The following ADAM22 variants were observed in gnomAD, a reference collection of about 807,000 sequenced individuals.
ADAM22 encodes the protein ADAM metallopeptidase domain 22, also known as disintegrin and metalloproteinase domain-containing protein 22.
A neutral mutation model predicts 144.6 loss-of-function variants in ADAM22; 65 were observed. The observed-to-expected ratio is 0.45, with a 90% confidence interval of 0.37 to 0.55. The LOEUF is 0.55. Ranked by LOEUF, ADAM22 falls within the 20% of genes least tolerant of loss-of-function variation. The pLI, the probability that ADAM22 is intolerant of heterozygous loss-of-function variation, is 0.00. For missense variants in ADAM22, 974 were observed against 1,184.9 expected (o/e 0.82, Z 2.61); for synonymous variants, 391 against 412.6 (o/e 0.95, Z 0.63).
rs753304682 is a variant in ADAM22 at position 87,935,236 on chromosome 7, GA to G, written c.246+51del. The G allele has an allele frequency of 1.3e-5, 19 of 1,500,990 alleles. No individual in the cohort carries two copies. The African/African-American group carries it at 2.6e-4, about 21-fold the overall frequency. 93.0% of individuals were successfully genotyped at this position (1,500,990 alleles called of 1,614,324 possible). ...GTCCTCCGCGCCTCCCGGCCCACCC[GA>G]GACCCCACGATTGCGCTCGGTTGCC... is the stretch of plus-strand genomic sequence containing the variant. On this transcript the variant is annotated intron_variant, in intron 2 of 31. Coordinates refer to ENST00000413139, the MANE Select transcript of ADAM22 (RefSeq NM_001324418.2).
chr7:88,021,926 G>T (rs755540097), intron 3 of ADAM22, among the ~76,000 whole-genome samples: 1 of 151,726 alleles, frequency 6.6e-6, no homozygotes, highest in African/African-American at 2.4e-5. Flanking sequence ...AGGCTGGGGT[G>T]CAGTGGTATG....
chr7:88,116,506 C>T (rs1827799456), intron 6 of ADAM22, among the ~76,000 whole-genome samples: 1 of 152,112 alleles, frequency 6.6e-6, no homozygotes, highest in African/African-American at 2.4e-5. Context: ...CATTTGTTTT[C>T]CATTACTGTA....
chr7:88,064,375 C>G (rs187480522), intron 3 of ADAM22, among the ~76,000 whole-genome samples: 1 of 152,080 alleles, frequency 6.6e-6, no homozygotes, highest in South Asian at 2.1e-4. Context: ...TACTACTAAC[C>G]GCATACCCTT....
chr7:88,172,079 A>AT (rs1844467254), intron 26 of ADAM22, among the ~76,000 whole-genome samples: 1 of 151,804 alleles, frequency 6.6e-6, no homozygotes, highest in Non-Finnish European at 1.5e-5. Flanking sequence ...TGCATAAGGA[A>AT]TTTTTTGTAT....
chr7:87,947,972 G>C lies in ADAM22; in HGVS notation c.246+12786G>C, dbSNP rs531315117. Among the ~76,000 whole-genome samples the C allele has an allele frequency of 3.9e-5, 6 of 152,208 alleles. No homozygotes were observed. The South Asian group carries it at 1.2e-3, about 32-fold the overall frequency. ...GATGCCATGACTTATAGAGGGCCCT[G>C]TTTCTTCATTAATGCTCCCATACCC... is the stretch of plus-strand genomic sequence containing the variant. On this transcript the variant is annotated intron_variant, in intron 2 of 31. Transcript: ENST00000413139.
intron 28 of ADAM22, among the ~76,000 whole-genome samples, 158 bp downstream of exon 28, chr7:88,181,763 G>A (rs1847085766): frequency 6.6e-6 from 1 of 152,092 alleles, no homozygotes; most frequent in Admixed American, 6.6e-5. Flanking sequence ...ATCTGGATGG[G>A]AAATGATGGG....
At chr7:88,000,242 GTC>G (rs1387344428) in intron 3 of ADAM22, among the ~76,000 whole-genome samples, 1 of 151,866 alleles carries the variant, frequency 6.6e-6, no homozygotes, top group African/African-American at 2.4e-5. Flanking sequence ...CACTGTTTTG[GTC>G]TCTGTTTTCT....
intron 31 of ADAM22, among the ~76,000 whole-genome samples, chr7:88,195,175 CTG>C (rs1318752226): frequency 6.6e-6 from 1 of 152,194 alleles, no homozygotes; most frequent in Non-Finnish European, 1.5e-5. Flanking sequence ...ACCTAAGTCA[CTG>C]TGTTCATAGG....
intron 2 of ADAM22, among the ~76,000 whole-genome samples, chr7:87,975,929 G>T (rs1851801774): frequency 6.6e-6 from 1 of 152,126 alleles, no homozygotes; most frequent in Non-Finnish European, 1.5e-5. Context: ...AGCACTCTAG[G>T]AAACTCAAAG....
At chr7:88,077,824 G>T (rs1252881447) in intron 4 of ADAM22, among the ~76,000 whole-genome samples, 1 of 152,206 alleles carries the variant, frequency 6.6e-6, no homozygotes. Context: ...CCAGGCTTCA[G>T]TAGGTAAACA....
intron 3 of ADAM22, among the ~76,000 whole-genome samples, chr7:88,051,290 TGG>T (rs1806263885): frequency 6.6e-6 from 1 of 152,134 alleles, no homozygotes; most frequent in African/African-American, 2.4e-5. Flanking sequence ...AGCAAAGACT[TGG>T]AACCAACCTA....
intron 4 of ADAM22, among the ~76,000 whole-genome samples, chr7:88,080,043 C>T (rs1446633509): frequency 6.6e-6 from 1 of 152,188 alleles, no homozygotes; most frequent in African/African-American, 2.4e-5. Flanking sequence ...ACAGAATATA[C>T]ATTCTTTTCA....
chr7:87,934,824 C>T (rs769586574), intron 1 of ADAM22: 24 of 731,298 alleles, frequency 3.3e-5, no homozygotes, highest in South Asian at 2.2e-4. Context: ...TTCTGGGCCC[C>T]GCTCCTGGTT....
intron 26 of ADAM22, among the ~76,000 whole-genome samples, chr7:88,174,910 G>A (rs1027845459): frequency 2.7e-5 from 4 of 150,916 alleles, no homozygotes; most frequent in African/African-American, 4.9e-5. Context: ...TTATTATTTC[G>A]GTGATATTCC....
rs569127340 is a variant in ADAM22 at position 88,029,300 on chromosome 7, A to C, written c.324-46326A>C. Among the ~76,000 whole-genome samples, 149 of 152,248 alleles carry C rather than the reference A, an allele frequency of 9.8e-4. 1 individual carries two copies. The highest frequency in any genetic ancestry group is 1.8e-3 in the Non-Finnish European group (125 of 67,974). ...AGGCTTGTAAATAATATAATCCACT[A>C]TTTTAAACTGATGCCAACTTAACAC... On this transcript the variant is annotated intron_variant, in intron 3 of 31. Coordinates refer to ENST00000413139, the MANE Select transcript of ADAM22 (RefSeq NM_001324418.2).
intron 2 of ADAM22, among the ~76,000 whole-genome samples, chr7:87,958,479 G>A (rs188934952): frequency 2.6e-4 from 40 of 151,482 alleles, no homozygotes; most frequent in East Asian, 2.5e-3. Context: ...TCTGCCTCCC[G>A]GGTTCAAGTG....
intron 4 of ADAM22, among the ~76,000 whole-genome samples, chr7:88,078,406 G>A (rs1815332217): frequency 6.6e-6 from 1 of 152,228 alleles, no homozygotes; most frequent in Non-Finnish European, 1.5e-5. Flanking sequence ...AAAAAACAGA[G>A]CAGAAAAACC....
intron 2 of ADAM22, among the ~76,000 whole-genome samples, chr7:87,948,067 T>G (rs1844143407): frequency 6.6e-6 from 1 of 152,222 alleles, no homozygotes. Flanking sequence ...TCTTTCATCA[T>G]CCCTCAATAT....
chr7:88,047,905 A>G (rs1585238757), intron 3 of ADAM22, among the ~76,000 whole-genome samples: 1 of 152,256 alleles, frequency 6.6e-6, no homozygotes, highest in South Asian at 2.1e-4. Context: ...ACATATACAT[A>G]TATATAAGAA....
Sources: gnomAD v4.1 joint callset for allele counts (sites outside exome capture counted in the v4.1 genomes callset) on GRCh38, gnomAD v4.1.1 for gene constraint, MANE v1.5 for transcripts, NCBI Gene and HGNC (gene_info 2026-07-23, HGNC 2026-07-21) for gene names.